The following ANGPT1 variants were observed in gnomAD, a reference collection of about 807,000 sequenced individuals.
ANGPT1 encodes angiopoietin 1, also known as angiopoietin-1.
Under a neutral mutation model 62.2 loss-of-function variants are expected in ANGPT1, and 17 were observed. The observed-to-expected ratio is 0.27, with a 90% confidence interval of 0.19 to 0.41. The LOEUF is 0.41. ANGPT1 is among the 10% of genes least tolerant of loss of function. ANGPT1 has a pLI of 1.00. For synonymous variants in ANGPT1, 199 were observed against 198.9 expected, an observed-to-expected ratio of 1.00 and a Z score of 0.00; for missense variants, 478 against 594.9, an observed-to-expected ratio of 0.80 and a Z score of 2.04.
chr8:107,333,974 G>A (rs200573556), intron 3 of ANGPT1, among the ~76,000 whole-genome samples: 17 of 86,626 alleles, frequency 2.0e-4, no homozygotes, highest in South Asian at 1.2e-3. Context: ...AGAAAGAAAG[G>A]AGGGAGGGAG....
intron 1 of ANGPT1, among the ~76,000 whole-genome samples, chr8:107,362,166 G>A (rs549634299): frequency 1.3e-5 from 2 of 152,244 alleles, no homozygotes; most frequent in African/African-American, 4.8e-5. Context: ...ATTTCAATGA[G>A]CATTTACTCA....
intron 1 of ANGPT1, among the ~76,000 whole-genome samples, chr8:107,381,825 G>T (rs147223573): frequency 1.8e-3 from 272 of 152,278 alleles, no homozygotes; most frequent in African/African-American, 6.1e-3. Flanking sequence ...GCCCTACAGG[G>T]TATTAATTTT....
intron 8 of ANGPT1, 26 bp from the exon 9 acceptor site, chr8:107,252,041 A>G: frequency 6.3e-7 from 1 of 1,595,496 alleles, no homozygotes. Context: ...ATAATAGAAG[A>G]GAGAAGGAGA....
intron 4 of ANGPT1, among the ~76,000 whole-genome samples, chr8:107,305,137 C>G (rs1029184153): frequency 1.3e-5 from 2 of 151,922 alleles, no homozygotes; most frequent in Non-Finnish European, 2.9e-5. Context: ...TAAATCCCAC[C>G]TACTGGATCC....
intron 1 of ANGPT1, among the ~76,000 whole-genome samples, chr8:107,488,511 T>A (rs1229896217): frequency 6.6e-6 from 1 of 152,170 alleles, no homozygotes; most frequent in East Asian, 1.9e-4. Flanking sequence ...GAAAATCAGG[T>A]TCGATTGCCA....
At chr8:107,482,545 C>A (rs544724134) in intron 1 of ANGPT1, among the ~76,000 whole-genome samples, 55 of 152,252 alleles carry the variant, frequency 3.6e-4, no homozygotes, top group South Asian at 2.3e-3. Flanking sequence ...TTGTAGTGCA[C>A]AAGATGGGAA....
chr8:107,423,032 CTTAATGAAGA>C (rs1358699480), intron 1 of ANGPT1, among the ~76,000 whole-genome samples: 1 of 152,148 alleles, frequency 6.6e-6, no homozygotes, highest in Non-Finnish European at 1.5e-5. Flanking sequence ...TTACCAATGG[CTTAATGAAGA>C]TTAAAGTGCT....
At chr8:107,459,103 C>T (rs1287718107) in intron 1 of ANGPT1, among the ~76,000 whole-genome samples, 1 of 152,146 alleles carries the variant, frequency 6.6e-6, no homozygotes, top group Non-Finnish European at 1.5e-5. Context: ...TGTCCTCTCC[C>T]TCAACTCCTA....
At chr8:107,427,781 A>G (rs1422935851) in intron 1 of ANGPT1, among the ~76,000 whole-genome samples, 3 of 151,610 alleles carry the variant, frequency 2.0e-5, no homozygotes, top group African/African-American at 7.2e-5. Flanking sequence ...TCCTGTGCAT[A>G]TTGATCTTCA....
intron 1 of ANGPT1, among the ~76,000 whole-genome samples, chr8:107,486,691 A>T (rs553567645): frequency 1.3e-5 from 2 of 152,266 alleles, no homozygotes; most frequent in East Asian, 3.9e-4. Flanking sequence ...AGCAGTGAAG[A>T]AGCTTGCCCA....
At chr8:107,278,962 C>A (rs1234478850) in intron 7 of ANGPT1, among the ~76,000 whole-genome samples, 1 of 152,180 alleles carries the variant, frequency 6.6e-6, no homozygotes, top group South Asian at 2.1e-4. Context: ...TGGCTCTGCT[C>A]CCCTGACTGA....
At chr8:107,496,954 T>C (rs1047352746) in intron 1 of ANGPT1, among the ~76,000 whole-genome samples, 1 of 152,228 alleles carries the variant, frequency 6.6e-6, no homozygotes, top group African/African-American at 2.4e-5. Flanking sequence ...ACTTTCTTTC[T>C]TAAGGTAGTG....
chr8:107,393,873 G>A (rs1390956908), intron 1 of ANGPT1, among the ~76,000 whole-genome samples: 2 of 152,130 alleles, frequency 1.3e-5, no homozygotes, highest in Non-Finnish European at 2.9e-5. Flanking sequence ...TGCAATAGAT[G>A]GAGCAACCGT....
At chr8:107,398,192 A>G (rs935884383) in intron 1 of ANGPT1, among the ~76,000 whole-genome samples, 1 of 152,216 alleles carries the variant, frequency 6.6e-6, no homozygotes, top group South Asian at 2.1e-4. Flanking sequence ...AACAGTTTTT[A>G]CAAATTTTGT....
chr8:107,300,186 T>C (rs1049989725), intron 5 of ANGPT1, among the ~76,000 whole-genome samples: 3 of 148,712 alleles, frequency 2.0e-5, no homozygotes, highest in Non-Finnish European at 3.0e-5. Context: ...TATAGAGATA[T>C]ATATGCTTAG....
At chr8:107,289,962 T>A (rs1157141527) in intron 6 of ANGPT1, among the ~76,000 whole-genome samples, 1 of 152,114 alleles carries the variant, frequency 6.6e-6, no homozygotes, top group Non-Finnish European at 1.5e-5. Flanking sequence ...AGCTAATATC[T>A]TCCCTAAGTG....
At chr8:107,259,816 G>T (rs963938895) in intron 8 of ANGPT1, among the ~76,000 whole-genome samples, 9 of 151,834 alleles carry the variant, frequency 5.9e-5, no homozygotes, top group Non-Finnish European at 1.0e-4. Flanking sequence ...TAGTATCAAA[G>T]ATTTTTTTTT....
chr8:107,447,060 T>C (rs963044029), intron 1 of ANGPT1, among the ~76,000 whole-genome samples: 13 of 152,216 alleles, frequency 8.5e-5, no homozygotes, highest in African/African-American at 3.1e-4. Flanking sequence ...AGAAATCCTG[T>C]TGACTCTACC....
intron 1 of ANGPT1, among the ~76,000 whole-genome samples, chr8:107,398,252 A>T (rs1444014349): frequency 6.6e-6 from 1 of 152,156 alleles, no homozygotes; most frequent in African/African-American, 2.4e-5. Context: ...TAAGTTTTAG[A>T]ATAGTTTTTG....
Sources: allele counts gnomAD v4.1 joint callset (sites outside exome capture counted in the v4.1 genomes callset), GRCh38; gene constraint gnomAD v4.1.1; transcripts MANE v1.5; gene names NCBI Gene and HGNC (gene_info 2026-07-23, HGNC 2026-07-21).